Variants in WASF1 observed in about 807,000 individuals in gnomAD.
WASF1 encodes the protein WASP family member 1.
Under a neutral mutation model 50.5 loss-of-function variants are expected in WASF1, and 7 were observed. That is an observed-to-expected ratio of 0.14 (90% CI 0.08 to 0.26). WASF1 has a LOEUF of 0.26. Ranked by LOEUF, WASF1 falls within the 10% of genes least tolerant of loss-of-function variation. The pLI, the probability that WASF1 is intolerant of heterozygous loss-of-function variation, is 1.00. For missense variants in WASF1, 470 were observed against 694.7 expected (o/e 0.68, Z 3.64); for synonymous variants, 205 against 244.0 (o/e 0.84, Z 1.49).
intron 2 of WASF1, among the ~76,000 whole-genome samples, chr6:110,161,551 G>A (rs1776263374): frequency 6.6e-6 from 1 of 151,404 alleles, no homozygotes; most frequent in Non-Finnish European, 1.5e-5. Flanking sequence ...ATTTTTACAT[G>A]GTCAAGATAT....
intron 2 of WASF1, among the ~76,000 whole-genome samples, chr6:110,174,404 G>A (rs1776841856): frequency 6.6e-6 from 1 of 152,110 alleles, no homozygotes; most frequent in Non-Finnish European, 1.5e-5. Flanking sequence ...TGCTGATTAT[G>A]AACTATGAAT....
At chr6:110,124,236 CTCTCT>C (rs1774289054) in intron 4 of WASF1, among the ~76,000 whole-genome samples, 1 of 6,198 alleles carries the variant, frequency 1.6e-4, no homozygotes, top group Non-Finnish European at 2.9e-4. Flanking sequence ...CCTCTCTCTC[CTCTCT>C]CTCTCTCTCT....
chr6:110,148,740 G>C (rs959209483), intron 3 of WASF1, among the ~76,000 whole-genome samples: 1 of 152,166 alleles, frequency 6.6e-6, no homozygotes, highest in African/African-American at 2.4e-5. Context: ...TGGAGACTTG[G>C]GCAGTGGGGA....
chr6:110,108,137 CAA>C (rs369773397), intron 6 of WASF1, among the ~76,000 whole-genome samples: 7 of 50,202 alleles, frequency 1.4e-4, no homozygotes, highest in African/African-American at 2.7e-4. Context: ...GACTCCGCCT[CAA>C]AAAAAAAAAA....
At chr6:110,169,383 GT>G (rs1776599942) in intron 2 of WASF1, among the ~76,000 whole-genome samples, 2 of 152,214 alleles carry the variant, frequency 1.3e-5, no homozygotes, top group South Asian at 4.1e-4. Context: ...TCTATTTCTA[GT>G]AACAGCACCA....
chr6:110,111,927 G>A (rs1773576606), intron 5 of WASF1, among the ~76,000 whole-genome samples: 1 of 151,840 alleles, frequency 6.6e-6, no homozygotes, highest in African/African-American at 2.4e-5. Flanking sequence ...TGAACTGCAA[G>A]GTATACGTAG....
chr6:110,120,110 A>C (rs1293776982), intron 4 of WASF1, among the ~76,000 whole-genome samples: 3 of 152,052 alleles, frequency 2.0e-5, no homozygotes, highest in African/African-American at 7.2e-5. Context: ...AACTGGAAGC[A>C]CTCCCTTTGA....
At chr6:110,125,126 T>C (rs1193060266) in intron 4 of WASF1, among the ~76,000 whole-genome samples, 3 of 152,224 alleles carry the variant, frequency 2.0e-5, no homozygotes, top group Non-Finnish European at 4.4e-5. Flanking sequence ...AATACATCAA[T>C]TGTTATTTTA....
At position 110,101,868 on chromosome 6, in the gene WASF1, T is replaced by G; in HGVS notation, c.1242A>C (p.Pro414=). 3 of 1,613,140 alleles carry G rather than the reference T, an allele frequency of 1.9e-6. No homozygotes were observed. In the South Asian group the frequency reaches 3.3e-5, roughly 18 times the overall value. Residue 414 remains proline, a synonymous_variant, in exon 10 of 11, where the codon CCA becomes CCC. Transcript: ENST00000392589. ...APVCETVPVH[P]LPQGEVQGLP... ...GCCCCTGAACTTCACCTTGTGGGAG[T>G]GGATGAACTGGTACAGTCTCACATA...
chr6:110,174,740 G>A (rs1584043206), intron 2 of WASF1, among the ~76,000 whole-genome samples: 1 of 151,962 alleles, frequency 6.6e-6, no homozygotes, highest in East Asian at 1.9e-4. Flanking sequence ...TTTTCCTTTT[G>A]GACCATGTTA....
intron 3 of WASF1, among the ~76,000 whole-genome samples, chr6:110,134,272 A>C (rs1248997106): frequency 6.6e-6 from 1 of 151,984 alleles, no homozygotes; most frequent in Non-Finnish European, 1.5e-5. Context: ...ATTCTTCTAC[A>C]TGTGGCTTGC....
Position 110,102,079 on chromosome 6 carries a change from A to G in WASF1, c.1031T>C (p.Met344Thr). ...ALSTSSLRAS[M>T]TSTPPPPVPP... The stretch of plus-strand genomic sequence containing the variant: ...TACTGGAGGGGGAGGAGTTGAAGTC[A>G]TTGAAGCTCTTAATGAGGAAGTTGA... Residue 344 changes from methionine (M) to threonine (T), a missense_variant, in exon 10 of 11, where the codon ATG becomes ACG. Coordinates refer to ENST00000392589, the MANE Select transcript of WASF1 (RefSeq NM_003931.3). The G allele has an allele frequency of 4.6e-6, 7 of 1,509,216 alleles. No homozygotes were observed. The South Asian group carries it at 9.5e-5, about 21-fold the overall frequency. 93.5% of individuals were successfully genotyped at this position (1,509,216 alleles called of 1,614,324 possible).
intron 7 of WASF1, 117 bp downstream of exon 7, chr6:110,106,960 A>T: frequency 1.4e-6 from 1 of 730,310 alleles, no homozygotes; most frequent in Non-Finnish European, 2.3e-6. Context: ...TTCAGTATTT[A>T]ACTATATGGA....
chr6:110,132,740 T>C (rs1359727067), intron 3 of WASF1, among the ~76,000 whole-genome samples: 3 of 151,898 alleles, frequency 2.0e-5, no homozygotes, highest in Non-Finnish European at 4.4e-5. Flanking sequence ...CCTATGCCTT[T>C]GCATCCTCAT....
chr6:110,123,556 T>G (rs1774233203), intron 4 of WASF1, among the ~76,000 whole-genome samples: 1 of 152,124 alleles, frequency 6.6e-6, no homozygotes. Flanking sequence ...AATTTCCTTA[T>G]CTGTAAAATA....
intron 2 of WASF1, among the ~76,000 whole-genome samples, chr6:110,164,507 C>T (rs941861198): frequency 3.3e-5 from 5 of 151,552 alleles, no homozygotes; most frequent in Non-Finnish European, 5.9e-5. Context: ...CAAATTAAAA[C>T]GAGATATTGC....
At chr6:110,124,406 A>G (rs1454409462) in intron 4 of WASF1, among the ~76,000 whole-genome samples, 2 of 148,818 alleles carry the variant, frequency 1.3e-5, no homozygotes, top group African/African-American at 2.5e-5. Context: ...ATTCTACTCC[A>G]TTCACTCTTA....
At chr6:110,126,848 A>T (rs1361260059) in intron 4 of WASF1, among the ~76,000 whole-genome samples, 1 of 152,116 alleles carries the variant, frequency 6.6e-6, no homozygotes. Flanking sequence ...CCTTCTCCCT[A>T]ATCTGCCTCT....
At chr6:110,134,361 T>C (rs188803079) in intron 3 of WASF1, among the ~76,000 whole-genome samples, 1 of 152,154 alleles carries the variant, frequency 6.6e-6, no homozygotes, top group Non-Finnish European at 1.5e-5. Flanking sequence ...GAACATCAAT[T>C]GGCTGTAAGT....
Sources: gnomAD v4.1 joint callset for allele counts (sites outside exome capture counted in the v4.1 genomes callset) on GRCh38, gnomAD v4.1.1 for gene constraint, MANE v1.5 for transcripts, NCBI Gene and HGNC (gene_info 2026-07-23, HGNC 2026-07-21) for gene names.